TDRD5: variants seen among roughly 807,000 people sequenced by gnomAD.
TDRD5 encodes tudor domain-containing protein 5.
In TDRD5, 41 loss-of-function variants were observed where a neutral mutation model predicts 120.6. The ratio of observed to expected loss-of-function variants is 0.34; its 90% CI spans 0.26 to 0.44. The LOEUF (loss-of-function observed/expected upper bound fraction) is 0.44. TDRD5 is among the 20% of genes least tolerant of loss of function. The pLI is 1.00. For synonymous variants in TDRD5, 430 were observed against 433.7 expected, an observed-to-expected ratio of 0.99 and a Z score of 0.11; for missense variants, 1,006 against 1,221.2, an observed-to-expected ratio of 0.82 and a Z score of 2.63.
intron 4 of TDRD5, among the ~76,000 whole-genome samples, chr1:179,615,587 G>C (rs1572349231): frequency 6.6e-6 from 1 of 151,832 alleles, no homozygotes; most frequent in East Asian, 1.9e-4. Flanking sequence ...CTTCATGTTT[G>C]ATGTATAGCA....
chr1:179,669,533 T>G, intron 17 of TDRD5, 129 bp downstream of exon 17: 1 of 1,020,668 alleles, frequency 9.8e-7, no homozygotes, highest in Non-Finnish European at 1.4e-6. Flanking sequence ...GCATTTGTGT[T>G]AAGTCCTTGT....
At chr1:179,624,421 G>GT (rs1677007603) in intron 6 of TDRD5, among the ~76,000 whole-genome samples, 1 of 152,048 alleles carries the variant, frequency 6.6e-6, no homozygotes, top group African/African-American at 2.4e-5. Flanking sequence ...TGTATTGCAA[G>GT]TTCTAACCAA....
intron 5 of TDRD5, 107 bp downstream of exon 5, chr1:179,618,789 A>G (rs1676695252): frequency 4.0e-6 from 3 of 742,730 alleles, no homozygotes; most frequent in Non-Finnish European, 5.9e-6. Flanking sequence ...AATCTTTAAT[A>G]TACTGCAAAC....
chr1:179,680,513 CATT>C (rs1340973653), intron 17 of TDRD5, among the ~76,000 whole-genome samples: 2 of 152,152 alleles, frequency 1.3e-5, no homozygotes, highest in Non-Finnish European at 2.9e-5. Flanking sequence ...ATCCATTTAT[CATT>C]ATTAATTTAC....
chr1:179,593,348 G>C, intron 2 of TDRD5, 112 bp from the exon 3 acceptor site: 1 of 1,186,986 alleles, frequency 8.4e-7, no homozygotes, highest in Non-Finnish European at 1.2e-6. Context: ...TTATCGTGCT[G>C]CCTGGATAAA....
chr1:179,659,520 C>G (rs1419584501), intron 14 of TDRD5, among the ~76,000 whole-genome samples: 4 of 150,418 alleles, frequency 2.7e-5, no homozygotes, highest in Non-Finnish European at 5.9e-5. Context: ...GTACATAATG[C>G]ACTGATATCA....
In TDRD5 at chr1:179,652,170, G is replaced by A. The variant is rs770185555; in HGVS notation, c.2133G>A (p.Gln711=). 1 of 1,610,728 alleles carries A rather than the reference G, an allele frequency of 6.2e-7. No homozygotes were observed. The highest frequency in any genetic ancestry group is 1.1e-5 in the South Asian group (1 of 89,860). The part of the protein sequence containing the change: ...YFNEDRKISP[Q]SKESELRILQ... ...ATGAAGACCGAAAGATAAGTCCACAGTCAAAAGAGAGTGAGTTACGTATCT... is the reference window on the plus strand; with the variant it reads ...ATGAAGACCGAAAGATAAGTCCACAATCAAAAGAGAGTGAGTTACGTATCT... Residue 711 remains glutamine, a synonymous_variant, in exon 13 of 18, where the codon CAG becomes CAA. Coordinates refer to ENST00000444136, the MANE Select transcript of TDRD5 (RefSeq NM_001199085.3).
Position 179,639,978 on chromosome 1 carries a change from C to A in TDRD5, c.1660C>A (p.Gln554Lys). 2.5e-6 allele frequency: 4 copies of A among 1,614,110 alleles called. No homozygotes were observed. Among genetic ancestry groups the A allele is most frequent in the Non-Finnish European group, 3.4e-6 (4 of 1,180,010 alleles). Reference protein sequence around the residue: ...RVIIHRVLEKQEVEVFYPDFG... With the variant: ...RVIIHRVLEKKEVEVFYPDFG... ...CATTATCCATCGAGTCCTTGAGAAA[C>A]AGGAAGTTGAAGTGTTCTACCCAGA... is the stretch of plus-strand genomic sequence containing the variant. The change falls in exon 10 of 18, where the codon CAG (glutamine) becomes AAG (lysine). Residue 554 changes from glutamine to lysine, a missense_variant. This residue lies in a region of TDRD5 where 158 missense variants were observed against 257.5 expected (regional missense o/e 0.61). Transcript: ENST00000444136.
intron 4 of TDRD5, among the ~76,000 whole-genome samples, chr1:179,613,550 T>C (rs1479824464): frequency 6.6e-6 from 1 of 152,212 alleles, no homozygotes; most frequent in East Asian, 1.9e-4. Flanking sequence ...GAAGCATGGA[T>C]TTTTCAACAT....
intron 16 of TDRD5, among the ~76,000 whole-genome samples, chr1:179,666,093 A>G (rs913995532): frequency 1.3e-5 from 2 of 152,186 alleles, no homozygotes; most frequent in Admixed American, 1.3e-4. Flanking sequence ...GCTTTTGAAA[A>G]TTATGAAAGT....
intron 16 of TDRD5, among the ~76,000 whole-genome samples, chr1:179,668,816 C>T (rs942682604): frequency 6.8e-6 from 1 of 146,168 alleles, no homozygotes; most frequent in African/African-American, 2.5e-5. Context: ...AACCTCGGCT[C>T]ACTGCAACCT....
intron 4 of TDRD5, among the ~76,000 whole-genome samples, chr1:179,607,213 T>A (rs1234996722): frequency 1.3e-5 from 2 of 152,168 alleles, no homozygotes; most frequent in Admixed American, 1.3e-4. Flanking sequence ...TAGTATTTTT[T>A]AAATTTCAAA....
chr1:179,669,082 A>C (rs1269960957), intron 16 of TDRD5, 112 bp from the exon 17 acceptor site: 2 of 1,032,220 alleles, frequency 1.9e-6, no homozygotes, highest in African/African-American at 3.2e-5. Flanking sequence ...AGTTTTATTT[A>C]TTTATTATAA....
In TDRD5 at chr1:179,593,876, G is replaced by T. The variant is rs1316608173; in HGVS notation, c.640+9G>T. 1.2e-6 allele frequency: 2 copies of T among 1,607,850 alleles called. No individual in the cohort carries two copies. Among genetic ancestry groups the T allele is most frequent in the African/African-American group, 2.7e-5 (2 of 74,732 alleles). ...GAGAGGATGTCCAGCAGGTACGCAT[G>T]TGAGCAAATGTTGGAGCAGTCATGG... On this transcript the variant is annotated intron_variant, in intron 3 of 17. Coordinates refer to ENST00000444136, the MANE Select transcript of TDRD5 (RefSeq NM_001199085.3).
At chr1:179,593,922 C>T (rs1675251302) in intron 3 of TDRD5, 55 bp downstream of exon 3, 1 of 1,564,038 alleles carries the variant, frequency 6.4e-7, no homozygotes, top group South Asian at 1.2e-5. Context: ...GGTGTGTAAT[C>T]ACTAAGGTCT....
chr1:179,641,920 A>G (rs1678070598), intron 11 of TDRD5, among the ~76,000 whole-genome samples: 1 of 152,062 alleles, frequency 6.6e-6, no homozygotes, highest in African/African-American at 2.4e-5. Flanking sequence ...GCCTGTATTC[A>G]AGGTTGTTTT....
intron 1 of TDRD5, 193 bp from the exon 2 acceptor site, chr1:179,592,409 A>G: frequency 1.8e-6 from 1 of 544,620 alleles, no homozygotes; most frequent in Non-Finnish European, 3.3e-6. Context: ...CCTGTAGCTT[A>G]ATCAACGCAG....
intron 2 of TDRD5, 116 bp downstream of exon 2, chr1:179,592,963 G>A: frequency 9.2e-7 from 1 of 1,083,160 alleles, no homozygotes; most frequent in Non-Finnish European, 1.3e-6. Context: ...TTAATTTGGT[G>A]GGGGAGGGAG....
intron 7 of TDRD5, among the ~76,000 whole-genome samples, 200 bp downstream of exon 7, chr1:179,631,120 A>G (rs1677420295): frequency 1.3e-5 from 2 of 152,140 alleles, no homozygotes; most frequent in African/African-American, 2.4e-5. Context: ...GGCCGGGTGC[A>G]GTGGCTCATG....
Sources: allele counts gnomAD v4.1 joint callset (sites outside exome capture counted in the v4.1 genomes callset), GRCh38; gene constraint gnomAD v4.1.1; regional missense constraint gnomAD v4.1.1; transcripts MANE v1.5; gene names NCBI Gene and HGNC (gene_info 2026-07-23, HGNC 2026-07-21).